Variants in MME observed in about 807,000 individuals in gnomAD.
MME encodes the protein neprilysin.
A neutral mutation model predicts 113.2 loss-of-function variants in MME; 98 were observed. That is an observed-to-expected ratio of 0.87 (90% CI 0.74 to 1.02). MME has a LOEUF of 1.02. Ranked by LOEUF, MME falls within the 50% of genes least tolerant of loss-of-function variation. The pLI, the probability that MME is intolerant of heterozygous loss-of-function variation, is 0.00. For synonymous variants in MME, 292 were observed against 300.6 expected (o/e 0.97, Z 0.30); for missense variants, 836 against 896.0 (o/e 0.93, Z 0.86).
At chr3:155,151,892 C>T (rs1721961077) in intron 16 of MME, among the ~76,000 whole-genome samples, 1 of 148,818 alleles carries the variant, frequency 6.7e-6, no homozygotes, top group Non-Finnish European at 1.5e-5. Context: ...TGTTCATTGA[C>T]TCATCTCAAT....
At chr3:155,159,360 T>G (rs921841239) in intron 16 of MME, among the ~76,000 whole-genome samples, 1 of 151,994 alleles carries the variant, frequency 6.6e-6, no homozygotes, top group African/African-American at 2.4e-5. Context: ...GTGAAGCCAT[T>G]AGATGATGAT....
intron 8 of MME, 72 bp from the exon 9 acceptor site, chr3:155,138,029 GA>G: frequency 6.5e-7 from 1 of 1,528,400 alleles, no homozygotes; most frequent in Non-Finnish European, 9.0e-7. Flanking sequence ...ATATTGAAAT[GA>G]AAATAAATTT....
intron 3 of MME, among the ~76,000 whole-genome samples, chr3:155,102,866 T>C (rs1056574167): frequency 1.3e-5 from 2 of 152,138 alleles, no homozygotes; most frequent in Admixed American, 6.5e-5. Flanking sequence ...TCTTCCTCCT[T>C]TATCCCTTCT....
At chr3:155,040,191 G>A (rs560875087) in intron 1 of MME, among the ~76,000 whole-genome samples, 1 of 152,288 alleles carries the variant, frequency 6.6e-6, no homozygotes, top group Non-Finnish European at 1.5e-5. Context: ...CTCACCTTTA[G>A]CACTCTTGAC....
intron 3 of MME, among the ~76,000 whole-genome samples, chr3:155,110,034 T>G (rs1718056042): frequency 1.3e-5 from 2 of 152,370 alleles, no homozygotes; most frequent in South Asian, 4.1e-4. Flanking sequence ...TACATTGTCC[T>G]GCCTTTGTCC....
intron 3 of MME, among the ~76,000 whole-genome samples, chr3:155,098,559 A>G (rs1444556329): frequency 1.3e-5 from 2 of 151,898 alleles, no homozygotes; most frequent in African/African-American, 4.8e-5. Context: ...CTGTCTCAAA[A>G]AAAAAAAAGA....
chr3:155,029,638 C>A (rs1229009510), intron 1 of MME, among the ~76,000 whole-genome samples: 1 of 151,724 alleles, frequency 6.6e-6, no homozygotes, highest in Non-Finnish European at 1.5e-5. Flanking sequence ...ACAGTGTAAC[C>A]CTGTCTGAGC....
At chr3:155,163,005 T>A in intron 17 of MME, among the ~76,000 whole-genome samples, 1 of 113,212 alleles carries the variant, frequency 8.8e-6, no homozygotes, top group South Asian at 2.9e-4. Flanking sequence ...AAAACAAAAC[T>A]CTGTCTCAAA....
chr3:155,096,249 T>C (rs537041403), intron 3 of MME, among the ~76,000 whole-genome samples: 5 of 152,300 alleles, frequency 3.3e-5, no homozygotes, highest in African/African-American at 1.2e-4. Context: ...GGATTTTAAA[T>C]AGGGATGTGT....
chr3:155,027,087 C>T (rs1347124448), intron 1 of MME, among the ~76,000 whole-genome samples: 1 of 152,194 alleles, frequency 6.6e-6, no homozygotes, highest in Non-Finnish European at 1.5e-5. Flanking sequence ...CTTTGCATTT[C>T]TAATATTTGT....
At chr3:155,141,242 T>A (rs1488455845) in intron 10 of MME, among the ~76,000 whole-genome samples, 1 of 152,204 alleles carries the variant, frequency 6.6e-6, no homozygotes, top group Non-Finnish European at 1.5e-5. Context: ...AATAAGTGTT[T>A]AATAAATACG....
intron 14 of MME, 37 bp from the exon 15 acceptor site, chr3:155,147,107 A>G: frequency 7.7e-7 from 1 of 1,301,954 alleles, no homozygotes; most frequent in Non-Finnish European, 1.1e-6. Flanking sequence ...TGAAAGTTAT[A>G]TAATCATCTT....
chr3:155,057,913 T>G (rs1001936465), intron 1 of MME, among the ~76,000 whole-genome samples: 1 of 152,164 alleles, frequency 6.6e-6, no homozygotes, highest in African/African-American at 2.4e-5. Context: ...GCTGCCATAC[T>G]AAATTATTCT....
At chr3:155,077,057 AC>A (rs892381507), upstream of MME, among the ~76,000 whole-genome samples, 6 of 151,950 alleles carry the variant, frequency 3.9e-5, no homozygotes, top group Non-Finnish European at 8.8e-5. Flanking sequence ...AGAAGGTCTC[AC>A]CTCCTGGGAA....
intron 10 of MME, among the ~76,000 whole-genome samples, chr3:155,141,398 A>G (rs989909365): frequency 3.9e-5 from 6 of 152,160 alleles, no homozygotes; most frequent in African/African-American, 1.2e-4. Context: ...ATCAATTCCC[A>G]TTTAGAAAGA....
chr3:155,067,046 A>C (rs1714402919), intron 1 of MME, among the ~76,000 whole-genome samples: 1 of 152,148 alleles, frequency 6.6e-6, no homozygotes, highest in Non-Finnish European at 1.5e-5. Flanking sequence ...ATGAGTAATA[A>C]GGCAGAATAT....
Position 155,168,777 on chromosome 3 carries a change from G to A in MME, c.1960G>A (p.Gly654Ser). 6.2e-7 allele frequency: 1 copy of A among 1,612,882 alleles called. No individual in the cohort carries two copies. The highest frequency in any genetic ancestry group is 8.5e-7 in the Non-Finnish European group (1 of 1,179,200). Residue 654 changes from glycine to serine, a missense_variant, in exon 20 of 23, where the codon GGT (glycine) becomes AGT (serine). Transcript: ENST00000360490. ...GGGAGAAAACATTGCTGATAATGGAGGTCTTGGTCAAGCATACAGAGTAAG... is the reference window on the plus strand; with the variant it reads ...GGGAGAAAACATTGCTGATAATGGAAGTCTTGGTCAAGCATACAGAGTAAG... ...TLGENIADNG[G>S]LGQAYRAYQN...
chr3:155,156,248 T>C (rs2108342353), intron 16 of MME, among the ~76,000 whole-genome samples: 1 of 152,292 alleles, frequency 6.6e-6, no homozygotes, highest in African/African-American at 2.4e-5. Flanking sequence ...TTTTCCTTTA[T>C]AATCTGGTGA....
chr3:155,180,346 T>G lies in MME; in HGVS notation c.2154-14T>G. On this transcript the variant is annotated splice_polypyrimidine_tract_variant and intron_variant, in intron 22 of 22. Coordinates refer to ENST00000360490, the MANE Select transcript of MME (RefSeq NM_007289.4). ...ATCAAATGCTGACGGTGACTTTTTT[T>G]GTTTGTTTCAAAGGATTATTGGGAC... The G allele has an allele frequency of 6.2e-7, 1 of 1,606,808 alleles. No individual in the cohort carries two copies. Among genetic ancestry groups the G allele is most frequent in the Non-Finnish European group, 8.5e-7 (1 of 1,173,396 alleles).
Sources: allele counts gnomAD v4.1 joint callset (sites outside exome capture counted in the v4.1 genomes callset), GRCh38; gene constraint gnomAD v4.1.1; transcripts MANE v1.5; gene names NCBI Gene and HGNC (gene_info 2026-07-23, HGNC 2026-07-21).